The following TTLL5 variants were observed in gnomAD, a reference collection of about 807,000 sequenced individuals.
TTLL5 encodes the protein tubulin polyglutamylase TTLL5.
TTLL5 carries 132 observed loss-of-function variants against 168.4 expected under a neutral mutation model. That is an observed-to-expected ratio of 0.78 (90% CI 0.68 to 0.91). The LOEUF is 0.91. Ranked by LOEUF, TTLL5 falls within the 40% of genes least tolerant of loss-of-function variation. The pLI is 0.00. For synonymous variants in TTLL5, 546 were observed against 558.6 expected (o/e 0.98, Z 0.32); for missense variants, 1,545 against 1,581.5 (o/e 0.98, Z 0.39).
chr14:75,743,423 C>T (rs1889386186), intron 15 of TTLL5, among the ~76,000 whole-genome samples: 1 of 151,666 alleles, frequency 6.6e-6, no homozygotes, highest in South Asian at 2.1e-4. Context: ...CTGAGAAGTC[C>T]GAGGTGCCGG....
chr14:75,799,692 G>C (rs1481822142), intron 27 of TTLL5, among the ~76,000 whole-genome samples: 1 of 152,102 alleles, frequency 6.6e-6, no homozygotes, highest in African/African-American at 2.4e-5. Context: ...GCATTTGTTT[G>C]TCTGAAAAAG....
chr14:75,698,627 G>A (rs1886033442), intron 6 of TTLL5, among the ~76,000 whole-genome samples: 1 of 152,194 alleles, frequency 6.6e-6, no homozygotes, highest in African/African-American at 2.4e-5. Context: ...GGGAGGCCGG[G>A]CATGGTGGCT....
intron 28 of TTLL5, among the ~76,000 whole-genome samples, chr14:75,853,245 T>A (rs1896966722): frequency 6.6e-6 from 1 of 152,226 alleles, no homozygotes; most frequent in Non-Finnish European, 1.5e-5. Context: ...CATGCCAGTT[T>A]ACTGGGTCAT....
chr14:75,798,678 G>C (rs1893121568), intron 27 of TTLL5, among the ~76,000 whole-genome samples: 1 of 151,928 alleles, frequency 6.6e-6, no homozygotes, highest in African/African-American at 2.4e-5. Context: ...TTATCATTCA[G>C]CTCAAGGAAT....
rs75363670 is a variant in TTLL5, at chr14:75,759,100, C to T, written c.1551-5515C>T. Among the ~76,000 whole-genome samples the T allele has an allele frequency of 9.5e-3, 1,442 of 152,034 alleles. 27 individuals carry two copies. Among genetic ancestry groups the T allele is most frequent in the African/African-American group, 0.033 (1,374 of 41,510 alleles). On this transcript the variant is annotated intron_variant, in intron 18 of 31. Coordinates refer to ENST00000298832, the MANE Select transcript of TTLL5 (RefSeq NM_015072.5). The stretch of plus-strand genomic sequence containing the variant: ...GATAAGGTAGCATAATTGATAAACC[C>T]TTAGGTAGACTGATCTAGAATAAAG...
intron 18 of TTLL5, among the ~76,000 whole-genome samples, chr14:75,759,722 T>G (rs1462737345): frequency 6.6e-6 from 1 of 152,096 alleles, no homozygotes; most frequent in Non-Finnish European, 1.5e-5. Flanking sequence ...GGCTTAACAT[T>G]TGAAAATTAG....
rs567429685 is a variant in TTLL5, at chr14:75,732,284, T to C, written c.1043-54T>C. The C allele has an allele frequency of 1.2e-5, 19 of 1,524,844 alleles. 1 individual carries two copies. The East Asian group carries it at 3.2e-4, about 26-fold the overall frequency. The allele number at this position is 1,524,844 out of a possible 1,614,324, so 94.5% of individuals were successfully genotyped here. A position where few individuals can be genotyped will look rare whatever the true frequency, so the allele number is the denominator to read the frequency against. On this transcript the variant is annotated intron_variant, in intron 12 of 31. Coordinates refer to ENST00000298832, the MANE Select transcript of TTLL5 (RefSeq NM_015072.5). ...TGAGATTGAGTCTTCTAGATCTTTGTGTAGTTGTGACATGGAAAATGATCT... is the reference window on the plus strand; with the variant it reads ...TGAGATTGAGTCTTCTAGATCTTTGCGTAGTTGTGACATGGAAAATGATCT...
intron 31 of TTLL5, among the ~76,000 whole-genome samples, chr14:75,932,169 C>G (rs1388618015): frequency 6.6e-6 from 1 of 152,150 alleles, no homozygotes; most frequent in East Asian, 1.9e-4. Context: ...TTCTTGTGTC[C>G]TTTGGACTTC....
chr14:75,728,674 TATC>T (rs10679821), intron 12 of TTLL5, among the ~76,000 whole-genome samples: 11 of 150,868 alleles, frequency 7.3e-5, no homozygotes, highest in Admixed American at 4.0e-4. Flanking sequence ...ATTTGAATAT[TATC>T]ATCATCATCA....
At chr14:75,826,947 A>G (rs1026199117) in intron 28 of TTLL5, among the ~76,000 whole-genome samples, 2 of 138,274 alleles carry the variant, frequency 1.4e-5, no homozygotes, top group African/African-American at 5.4e-5. Context: ...TCTCGCTGCT[A>G]AAAGACTCTC....
chr14:75,698,169 T>C (rs1407808225), intron 6 of TTLL5, among the ~76,000 whole-genome samples: 1 of 152,240 alleles, frequency 6.6e-6, no homozygotes, highest in East Asian at 1.9e-4. Flanking sequence ...CTGAGAGCTC[T>C]AGCCTGCTTC....
intron 28 of TTLL5, chr14:75,835,652 T>C (rs1274365509): frequency 6.6e-6 from 1 of 152,126 alleles, no homozygotes; most frequent in African/African-American, 2.4e-5. Context: ...AACCATCTGA[T>C]AAGAGATTAA....
intron 31 of TTLL5, among the ~76,000 whole-genome samples, chr14:75,924,246 G>GA (rs2033927887): frequency 6.7e-6 from 1 of 150,024 alleles, no homozygotes; most frequent in South Asian, 2.1e-4. Context: ...TGTTATGTGT[G>GA]AATTTGATCC....
intron 19 of TTLL5, among the ~76,000 whole-genome samples, chr14:75,765,020 A>AC (rs1201457304): frequency 1.3e-5 from 2 of 152,226 alleles, no homozygotes; most frequent in African/African-American, 4.8e-5. Context: ...TCAGCATCAT[A>AC]CAAATACCTG....
At chr14:75,738,342 T>C (rs1479483849) in intron 15 of TTLL5, among the ~76,000 whole-genome samples, 1 of 152,232 alleles carries the variant, frequency 6.6e-6, no homozygotes, top group Non-Finnish European at 1.5e-5. Flanking sequence ...CTGCAACTGT[T>C]GTTTAGCAAA....
At chr14:75,789,274 TA>T (rs1376153897) in intron 26 of TTLL5, among the ~76,000 whole-genome samples, 6 of 152,232 alleles carry the variant, frequency 3.9e-5, no homozygotes, top group African/African-American at 1.4e-4. Flanking sequence ...ATTATAAGCA[TA>T]AGGATCATCC....
Position 75,863,793 on chromosome 14 carries a change from C to T in TTLL5, c.3453C>T (p.Ala1151=). Residue 1151 remains alanine, a synonymous_variant, in exon 29 of 32, where the codon GCC becomes GCT. Coordinates refer to ENST00000298832, the MANE Select transcript of TTLL5 (RefSeq NM_015072.5). Reference sequence around the variant, plus strand: ...CAGGCAGCTATCAGCTTCAATTTGCCCTGCAGCAACTTGAACAACAAAAAC... The same window carrying T: ...CAGGCAGCTATCAGCTTCAATTTGCTCTGCAGCAACTTGAACAACAAAAAC... ...PTAGSYQLQF[A]LQQLEQQKLQ... The T allele has an allele frequency of 6.2e-7, 1 of 1,612,782 alleles. No homozygotes were observed. The highest frequency in any genetic ancestry group is 1.1e-5 in the South Asian group (1 of 90,988).
At chr14:75,828,802 T>C (rs921916243) in intron 28 of TTLL5, among the ~76,000 whole-genome samples, 1 of 152,238 alleles carries the variant, frequency 6.6e-6, no homozygotes, top group Non-Finnish European at 1.5e-5. Context: ...TGTTACCTTC[T>C]TCAACAAATA....
intron 26 of TTLL5, among the ~76,000 whole-genome samples, chr14:75,787,131 C>T (rs1217639422): frequency 1.3e-5 from 2 of 152,000 alleles, no homozygotes; most frequent in African/African-American, 4.8e-5. Flanking sequence ...GACTCCATCT[C>T]AAACAACAAA....
Sources: gnomAD v4.1 joint callset for allele counts (sites outside exome capture counted in the v4.1 genomes callset) on GRCh38, gnomAD v4.1.1 for gene constraint, MANE v1.5 for transcripts, NCBI Gene and HGNC (gene_info 2026-07-23, HGNC 2026-07-21) for gene names.